The following LDLRAD4 variants were observed in gnomAD, a reference collection of about 807,000 sequenced individuals.
The protein encoded by LDLRAD4 is low density lipoprotein receptor class A domain containing 4.
LDLRAD4 carries 5 observed loss-of-function variants against 17.0 expected under a neutral mutation model. The ratio of observed to expected loss-of-function variants is 0.29; its 90% CI spans 0.15 to 0.62. LDLRAD4 has a LOEUF of 0.62. Among genes scored for constraint, LDLRAD4 ranks in the 20% least tolerant of loss-of-function variants. The pLI is 0.84. For synonymous variants in LDLRAD4, 168 were observed against 171.8 expected (o/e 0.98, Z 0.17); for missense variants, 340 against 424.7 (o/e 0.80, Z 1.75).
chr18:13,373,445 C>T lies in LDLRAD4; in HGVS notation c.-382-13896C>T, dbSNP rs891227033. 9.9e-5 allele frequency among the ~76,000 whole-genome samples: 15 copies of T among 152,118 alleles called. No individual in the cohort carries two copies. In the South Asian group the frequency reaches 1.0e-3, roughly 10 times the overall value. ...TCACAGTTATAGGATTGTGCAGAAA[C>T]GCTTAGCTATCTTTGTTGCTTGTGT... On this transcript the variant is annotated intron_variant, in intron 1 of 5. Transcript: ENST00000359446.
At chr18:13,427,369 CT>C (rs2090020195) in intron 2 of LDLRAD4, 1 of 152,712 alleles carries the variant, frequency 6.5e-6, no homozygotes, top group Admixed American at 6.5e-5. Context: ...AAATAGCAAG[CT>C]GTGACCCACC....
intron 3 of LDLRAD4, among the ~76,000 whole-genome samples, chr18:13,576,037 C>T (rs1216119595): frequency 6.6e-6 from 1 of 152,154 alleles, no homozygotes; most frequent in African/African-American, 2.4e-5. Flanking sequence ...TCTGTTTACT[C>T]TGCTGACTGT....
At chr18:13,563,805 T>C (rs1260378755) in intron 3 of LDLRAD4, among the ~76,000 whole-genome samples, 2 of 152,214 alleles carry the variant, frequency 1.3e-5, no homozygotes, top group African/African-American at 2.4e-5. Context: ...ACAGATGGCC[T>C]CTAAAGGCCC....
chr18:13,346,780 A>G (rs1436356929), intron 1 of LDLRAD4, among the ~76,000 whole-genome samples: 2 of 152,132 alleles, frequency 1.3e-5, no homozygotes, highest in Admixed American at 6.5e-5. Flanking sequence ...GTGCATATAT[A>G]TTTAGGATAG....
At chr18:13,564,580 T>TA (rs367805996) in intron 3 of LDLRAD4, among the ~76,000 whole-genome samples, 21,380 of 82,312 alleles carry the variant, frequency 0.26, 2,736 homozygotes, top group Non-Finnish European at 0.29. Context: ...TCCCATTTTC[T>TA]AAAAAAAAAA....
intron 1 of LDLRAD4, among the ~76,000 whole-genome samples, chr18:13,330,972 C>T (rs2143730761): frequency 6.6e-6 from 1 of 152,352 alleles, no homozygotes. Flanking sequence ...GGCTGCACCC[C>T]TGGGGAGGGC....
At chr18:13,237,373 G>A (rs999306856) in intron 1 of LDLRAD4, among the ~76,000 whole-genome samples, 3 of 152,178 alleles carry the variant, frequency 2.0e-5, no homozygotes, top group Non-Finnish European at 4.4e-5. Context: ...TGAGGCCACC[G>A]TAGATGGTCT....
chr18:13,355,119 A>C (rs1056512832), intron 1 of LDLRAD4, among the ~76,000 whole-genome samples: 2 of 152,256 alleles, frequency 1.3e-5, no homozygotes, highest in African/African-American at 4.8e-5. Context: ...TGCCTGGTAC[A>C]GCATTGCAGA....
At chr18:13,455,477 A>G (rs2092077978) in intron 3 of LDLRAD4, among the ~76,000 whole-genome samples, 1 of 152,128 alleles carries the variant, frequency 6.6e-6, no homozygotes, top group Non-Finnish European at 1.5e-5. Context: ...CATGGTGAGA[A>G]GAGGCTGGAG....
intron 1 of LDLRAD4, among the ~76,000 whole-genome samples, chr18:13,221,328 G>A (rs2041442080): frequency 6.6e-6 from 1 of 151,748 alleles, no homozygotes; most frequent in African/African-American, 2.4e-5. Flanking sequence ...CTCTCCCTCT[G>A]TTCCTTCCTT....
At chr18:13,473,793 G>A (rs976290278) in intron 3 of LDLRAD4, among the ~76,000 whole-genome samples, 1 of 151,318 alleles carries the variant, frequency 6.6e-6, no homozygotes, top group African/African-American at 2.4e-5. Context: ...AGGCCCCAAA[G>A]TGAAGTTCCT....
At chr18:13,382,961 AAGGC>A (rs1361520846) in intron 1 of LDLRAD4, among the ~76,000 whole-genome samples, 7 of 152,348 alleles carry the variant, frequency 4.6e-5, no homozygotes, top group African/African-American at 1.7e-4. Context: ...ATGACCTCTG[AAGGC>A]CTTTGCTGGA....
At chr18:13,357,606 AG>A (rs1352409220) in intron 1 of LDLRAD4, among the ~76,000 whole-genome samples, 1 of 152,138 alleles carries the variant, frequency 6.6e-6, no homozygotes, top group Non-Finnish European at 1.5e-5. Flanking sequence ...CAAGTGTAGA[AG>A]AAGTGGTATA....
At chr18:13,531,556 C>G (rs1324248008) in intron 3 of LDLRAD4, among the ~76,000 whole-genome samples, 3 of 149,122 alleles carry the variant, frequency 2.0e-5, no homozygotes, top group Non-Finnish European at 4.4e-5. Flanking sequence ...CACCACTGCA[C>G]GCTAGCTTAG....
intron 4 of LDLRAD4, among the ~76,000 whole-genome samples, chr18:13,639,211 C>T (rs574456219): frequency 6.6e-6 from 1 of 152,190 alleles, no homozygotes; most frequent in African/African-American, 2.4e-5. Context: ...AATGAGTATG[C>T]GGGAATGCTG....
chr18:13,559,495 G>A (rs1202384924), intron 3 of LDLRAD4, among the ~76,000 whole-genome samples: 1 of 152,212 alleles, frequency 6.6e-6, no homozygotes, highest in Non-Finnish European at 1.5e-5. Context: ...AAATTTCTAA[G>A]TAGGTGTGTG....
At chr18:13,363,749 T>C (rs1223851790) in intron 1 of LDLRAD4, among the ~76,000 whole-genome samples, 1 of 152,222 alleles carries the variant, frequency 6.6e-6, no homozygotes, top group Non-Finnish European at 1.5e-5. Context: ...TAAATATTGG[T>C]TGTGGTCTCA....
intron 3 of LDLRAD4, chr18:13,490,272 A>C (rs911611277): frequency 6.6e-6 from 1 of 152,252 alleles, no homozygotes; most frequent in African/African-American, 2.4e-5. Flanking sequence ...TTAAATGCTC[A>C]AAAGTCAGAA....
In LDLRAD4 at chr18:13,238,824, T is replaced by G. The variant is rs1169673377; in HGVS notation, c.-467+19836T>G. On this transcript the variant is annotated intron_variant, in intron 1 of 5. Coordinates refer to the LDLRAD4 transcript ENST00000399848. ...TTCCCAGGGAGCTCACTGAGATGCCTCCTGCTCCTACTCAACAGCCCTAGC... is the reference window on the plus strand; with the variant it reads ...TTCCCAGGGAGCTCACTGAGATGCCGCCTGCTCCTACTCAACAGCCCTAGC... Among the ~76,000 whole-genome samples, 5 of 152,260 alleles carry G rather than the reference T, an allele frequency of 3.3e-5. No individual in the cohort carries two copies. In the South Asian group the frequency reaches 8.3e-4, roughly 25 times the overall value.
Sources: gnomAD v4.1 joint callset for allele counts (sites outside exome capture counted in the v4.1 genomes callset) on GRCh38, gnomAD v4.1.1 for gene constraint, MANE v1.5 for transcripts, NCBI Gene and HGNC (gene_info 2026-07-23, HGNC 2026-07-21) for gene names.